PCDH9: variants seen among roughly 807,000 people sequenced by gnomAD.
PCDH9 encodes the protein protocadherin 9.
PCDH9 carries 24 observed loss-of-function variants against 70.6 expected under a neutral mutation model. The observed-to-expected ratio is 0.34, with a 90% CI of 0.25 to 0.48. The LOEUF is 0.48. Ranked by LOEUF, PCDH9 falls within the 20% of genes least tolerant of loss-of-function variation. The pLI is 0.99. For missense variants in PCDH9, 1,281 were observed against 1,503.6 expected (o/e 0.85, Z 2.45); for synonymous variants, 562 against 558.5 (o/e 1.01, Z -0.09).
intron 3 of PCDH9, among the ~76,000 whole-genome samples, chr13:66,866,324 T>C (rs2139493583): frequency 6.6e-6 from 1 of 150,738 alleles, no homozygotes; most frequent in Middle Eastern, 3.4e-3. Flanking sequence ...CTATTAAAAA[T>C]ACAAAAAATT....
chr13:66,629,660 T>C (rs1256750830), intron 4 of PCDH9, among the ~76,000 whole-genome samples: 1 of 152,226 alleles, frequency 6.6e-6, no homozygotes, highest in African/African-American at 2.4e-5. Flanking sequence ...ATGTTTTCTT[T>C]ATGTGACCAA....
intron 4 of PCDH9, among the ~76,000 whole-genome samples, chr13:66,611,514 C>G (rs1394671939): frequency 6.6e-6 from 1 of 152,104 alleles, no homozygotes; most frequent in South Asian, 2.1e-4. Context: ...TGTCACTATT[C>G]AAAGCTGTTT....
chr13:66,884,992 T>A (rs947646453), intron 3 of PCDH9, among the ~76,000 whole-genome samples: 10 of 152,294 alleles, frequency 6.6e-5, no homozygotes, highest in African/African-American at 2.2e-4. Flanking sequence ...TAAAATTGAT[T>A]AAAATTTCTC....
chr13:66,461,548 CA>C lies in PCDH9; in HGVS notation c.3341-156521del, dbSNP rs879897582. Among the ~76,000 whole-genome samples the C allele has an allele frequency of 1.1e-3, 149 of 136,362 alleles. 1 individual carries two copies. Among genetic ancestry groups the C allele is most frequent in the African/African-American group, 2.2e-3 (83 of 37,632 alleles). 89.5% of individuals were successfully genotyped at this position (136,362 alleles called of 152,430 possible). ...AACTGTGTCCATATTATCAACTCTG[CA>C]AAAAAAAAAAGAAAATCATGCCTCA... is the stretch of plus-strand genomic sequence containing the variant. On this transcript the variant is annotated intron_variant, in intron 4 of 4. Transcript: ENST00000377865.
intron 2 of PCDH9, among the ~76,000 whole-genome samples, chr13:66,920,197 C>T (rs910713917): frequency 1.3e-5 from 2 of 150,972 alleles, no homozygotes; most frequent in African/African-American, 4.8e-5. Flanking sequence ...TTAACTTTTG[C>T]TGGGGAATGA....
chr13:67,122,735 C>T (rs1332010342), intron 2 of PCDH9, among the ~76,000 whole-genome samples: 1 of 151,062 alleles, frequency 6.6e-6, no homozygotes, highest in Non-Finnish European at 1.5e-5. Context: ...GATCGCGCCA[C>T]TGCACTCCAG....
At chr13:67,198,931 T>C (rs1448510159) in intron 2 of PCDH9, among the ~76,000 whole-genome samples, 1 of 151,800 alleles carries the variant, frequency 6.6e-6, no homozygotes, top group Non-Finnish European at 1.5e-5. Context: ...AAAAGAATAC[T>C]TATTAATGTT....
chr13:66,560,976 C>G (rs542841350), intron 4 of PCDH9, among the ~76,000 whole-genome samples: 52 of 152,368 alleles, frequency 3.4e-4, no homozygotes, highest in African/African-American at 1.1e-3. Flanking sequence ...ACTTGAGGAG[C>G]CCTTCAGCCT....
intron 4 of PCDH9, among the ~76,000 whole-genome samples, chr13:66,549,447 C>A (rs2138676115): frequency 6.6e-6 from 1 of 151,974 alleles, no homozygotes; most frequent in East Asian, 1.9e-4. Context: ...ACATTCCATA[C>A]CCTCATTTAA....
intron 3 of PCDH9, among the ~76,000 whole-genome samples, chr13:66,633,910 G>A (rs547116650): frequency 2.0e-5 from 3 of 152,088 alleles, no homozygotes; most frequent in Admixed American, 1.3e-4. Flanking sequence ...TCTTGCAGGT[G>A]GTCCTTGTAA....
At chr13:66,736,155 A>C (rs1233022406) in intron 3 of PCDH9, among the ~76,000 whole-genome samples, 3 of 152,164 alleles carry the variant, frequency 2.0e-5, no homozygotes, top group Non-Finnish European at 4.4e-5. Flanking sequence ...TTATTTTCTT[A>C]TGCCTGAACT....
chr13:67,097,772 G>A (rs1203327805), intron 2 of PCDH9, among the ~76,000 whole-genome samples: 3 of 152,078 alleles, frequency 2.0e-5, no homozygotes, highest in Admixed American at 6.5e-5. Flanking sequence ...TACATACCTC[G>A]AACTGATGAA....
At chr13:66,735,648 T>A (rs984482711) in intron 3 of PCDH9, among the ~76,000 whole-genome samples, 4 of 152,150 alleles carry the variant, frequency 2.6e-5, no homozygotes, top group Non-Finnish European at 5.9e-5. Context: ...TTTGGTCTTA[T>A]CTTTGCACGT....
At chr13:66,976,501 A>G (rs555525683) in intron 2 of PCDH9, among the ~76,000 whole-genome samples, 1 of 152,248 alleles carries the variant, frequency 6.6e-6, no homozygotes, top group African/African-American at 2.4e-5. Flanking sequence ...TTGAGTTTCA[A>G]ATGACTTTTC....
intron 3 of PCDH9, among the ~76,000 whole-genome samples, chr13:66,644,932 C>G (rs17496087): frequency 0.25 from 38,499 of 151,902 alleles, 5,332 homozygotes; most frequent in Middle Eastern, 0.36. Context: ...TAATTCTGAT[C>G]TAGTTCATGT....
At chr13:66,619,040 A>G (rs1294161231) in intron 4 of PCDH9, among the ~76,000 whole-genome samples, 1 of 152,228 alleles carries the variant, frequency 6.6e-6, no homozygotes, top group Non-Finnish European at 1.5e-5. Flanking sequence ...ATATTCAAAG[A>G]TAATTCTTTT....
chr13:66,592,289 C>A (rs1296820537), intron 4 of PCDH9, among the ~76,000 whole-genome samples: 2 of 151,578 alleles, frequency 1.3e-5, no homozygotes, highest in Admixed American at 1.3e-4. Context: ...CAATCCCCTG[C>A]CCTTGTTAAC....
At chr13:66,823,210 G>A (rs2080746163) in intron 3 of PCDH9, among the ~76,000 whole-genome samples, 1 of 151,836 alleles carries the variant, frequency 6.6e-6, no homozygotes, top group Non-Finnish European at 1.5e-5. Context: ...CAGAAAAAAA[G>A]CAGTTCTACT....
intron 2 of PCDH9, among the ~76,000 whole-genome samples, chr13:67,168,728 C>A (rs1339117756): frequency 6.6e-6 from 1 of 152,162 alleles, no homozygotes; most frequent in Non-Finnish European, 1.5e-5. Context: ...GAGCAAGATC[C>A]TGGCTCCAAG....
Sources: allele counts gnomAD v4.1 joint callset (sites outside exome capture counted in the v4.1 genomes callset), GRCh38; gene constraint gnomAD v4.1.1; transcripts MANE v1.5; gene names NCBI Gene and HGNC (gene_info 2026-07-23, HGNC 2026-07-21).